The following TMEFF2 variants were observed in gnomAD, a reference collection of about 807,000 sequenced individuals.
TMEFF2 encodes tomoregulin-2.
In TMEFF2, 28 loss-of-function variants were observed where a neutral mutation model predicts 53.8. The observed-to-expected ratio is 0.52, with a 90% CI of 0.39 to 0.71. The LOEUF (loss-of-function observed/expected upper bound fraction) is 0.71. Ranked by LOEUF, TMEFF2 falls within the 30% of genes least tolerant of loss-of-function variation. The pLI is 0.00. For missense variants in TMEFF2, 353 were observed against 455.2 expected (o/e 0.78, Z 2.04); for synonymous variants, 162 against 166.3 (o/e 0.97, Z 0.20).
At chr2:192,038,554 G>T (rs769389489) in intron 5 of TMEFF2, among the ~76,000 whole-genome samples, 1 of 151,736 alleles carries the variant, frequency 6.6e-6, no homozygotes, top group South Asian at 2.1e-4. Context: ...GTCTCACTCT[G>T]TTCTTAGCTC....
At chr2:192,169,179 G>A (rs1690846337) in intron 4 of TMEFF2, among the ~76,000 whole-genome samples, 1 of 152,118 alleles carries the variant, frequency 6.6e-6, no homozygotes, top group Non-Finnish European at 1.5e-5. Context: ...GAATCAGACT[G>A]ATGATACAAA....
At chr2:191,979,665 G>C (rs950454809) in intron 7 of TMEFF2, among the ~76,000 whole-genome samples, 1 of 151,760 alleles carries the variant, frequency 6.6e-6, no homozygotes, top group African/African-American at 2.4e-5. Flanking sequence ...CAGTAAACAG[G>C]CTGTGCTATT....
chr2:192,044,124 A>G (rs1372183176), intron 5 of TMEFF2: 1 of 152,204 alleles, frequency 6.6e-6, no homozygotes, highest in African/African-American at 2.4e-5. Flanking sequence ...AAGGTCAGCA[A>G]TATAGCTTCA....
rs117382717 is a variant in TMEFF2 at position 191,976,100 on chromosome 2, C to T, written c.746-19722G>A. 8.7e-4 allele frequency among the ~76,000 whole-genome samples: 133 copies of T among 152,178 alleles called. No individual in the cohort carries two copies. The East Asian group carries it at 0.025, about 28-fold the overall frequency. ...TTTGGTAATTGACAGTGAATTTTTG[C>T]AATACTGAAAATAATCTCACTTCTT... On this transcript the variant is annotated intron_variant, in intron 7 of 9. Coordinates refer to ENST00000272771, the MANE Select transcript of TMEFF2 (RefSeq NM_016192.4).
At chr2:192,031,474 G>A (rs1187555095) in intron 5 of TMEFF2, 1 of 152,188 alleles carries the variant, frequency 6.6e-6, no homozygotes, top group African/African-American at 2.4e-5. Context: ...GGAAGCCTCA[G>A]AACTAGATAA....
chr2:192,183,241 G>A (rs1038671128), intron 3 of TMEFF2, among the ~76,000 whole-genome samples: 1 of 151,948 alleles, frequency 6.6e-6, no homozygotes, highest in Non-Finnish European at 1.5e-5. Context: ...AGAAACTTGG[G>A]TAGTCACCAG....
At chr2:192,064,525 C>T (rs1046283978) in intron 4 of TMEFF2, among the ~76,000 whole-genome samples, 3 of 151,836 alleles carry the variant, frequency 2.0e-5, no homozygotes, top group Non-Finnish European at 4.4e-5. Context: ...CTTTTCAAGA[C>T]TTATCTATAG....
intron 4 of TMEFF2, among the ~76,000 whole-genome samples, chr2:192,117,167 G>A (rs1487573003): frequency 1.3e-5 from 2 of 152,074 alleles, no homozygotes; most frequent in African/African-American, 4.8e-5. Flanking sequence ...TAAAAAGACT[G>A]TTTCAGAAAT....
chr2:192,121,873 T>C (rs1284364244), intron 4 of TMEFF2, among the ~76,000 whole-genome samples: 1 of 152,036 alleles, frequency 6.6e-6, no homozygotes, highest in Non-Finnish European at 1.5e-5. Flanking sequence ...AAAAGAAGAT[T>C]CAGCAAAAAA....
At chr2:191,987,240 G>C (rs1252988789) in intron 7 of TMEFF2, among the ~76,000 whole-genome samples, 1 of 152,130 alleles carries the variant, frequency 6.6e-6, no homozygotes, top group African/African-American at 2.4e-5. Context: ...CTGAATGGGA[G>C]GTGGGAGGGA....
chr2:192,030,922 C>T (rs530116299), intron 5 of TMEFF2, among the ~76,000 whole-genome samples: 11 of 151,804 alleles, frequency 7.2e-5, no homozygotes, highest in South Asian at 2.1e-4. Flanking sequence ...GCAGGTTGGG[C>T]GGGGCGGGGA....
intron 4 of TMEFF2, among the ~76,000 whole-genome samples, chr2:192,075,738 T>C (rs1468701985): frequency 6.6e-6 from 1 of 152,036 alleles, no homozygotes; most frequent in Non-Finnish European, 1.5e-5. Context: ...AATTGCAAAA[T>C]ATTTATTTTA....
In TMEFF2 at chr2:192,075,332, T is replaced by TATATATATAC. The variant is rs796267672; in HGVS notation, c.440-17558_440-17557insGTATATATAT. 1.5e-3 allele frequency among the ~76,000 whole-genome samples: 130 copies of TATATATATAC among 88,114 alleles called. 6 individuals are homozygous for TATATATATAC. The highest frequency in any genetic ancestry group is 2.2e-3 in the East Asian group (3 of 1,352). The allele number at this position is 88,114 out of a possible 152,430, so 57.8% of individuals were successfully genotyped here. A position where few individuals can be genotyped will look rare whatever the true frequency, so the allele number is the denominator to read the frequency against. Reference sequence around the variant, plus strand: ...ATATATATATATATATATATATATATACATACATACTATGTATATCCTTGC... The same window carrying TATATATATAC: ...ATATATATATATATATATATATATATATATATATACACATACATACTATGTATATCCTTGC... On this transcript the variant is annotated intron_variant, in intron 4 of 9. Transcript: ENST00000272771.
At chr2:192,176,582 T>A (rs1228779339) in intron 4 of TMEFF2, among the ~76,000 whole-genome samples, 1 of 151,326 alleles carries the variant, frequency 6.6e-6, no homozygotes, top group African/African-American at 2.4e-5. Flanking sequence ...TACAGTTAAC[T>A]GTTTGAATTG....
intron 7 of TMEFF2, among the ~76,000 whole-genome samples, chr2:191,969,127 G>A (rs898197549): frequency 8.9e-6 from 1 of 112,432 alleles, no homozygotes; most frequent in Non-Finnish European, 1.8e-5. Flanking sequence ...GTTTGTGTAT[G>A]TGTGTGTGTA....
chr2:192,074,940 T>C (rs1447811295), intron 4 of TMEFF2, among the ~76,000 whole-genome samples: 3 of 151,878 alleles, frequency 2.0e-5, no homozygotes, highest in Admixed American at 6.6e-5. Context: ...GTGGTGTGTC[T>C]ATGTGTGTTA....
intron 4 of TMEFF2, among the ~76,000 whole-genome samples, chr2:192,145,253 C>T (rs993864001): frequency 6.6e-6 from 1 of 151,800 alleles, no homozygotes; most frequent in Non-Finnish European, 1.5e-5. Context: ...AAAATACATA[C>T]TTGTGTTTAT....
At chr2:192,133,285 T>C (rs112139180) in intron 4 of TMEFF2, among the ~76,000 whole-genome samples, 51,770 of 151,906 alleles carry the variant, frequency 0.34, 9,969 homozygotes, top group South Asian at 0.43. Context: ...GTCCTCCTCT[T>C]GTATCCCCCC....
chr2:192,139,546 G>T (rs1329258558), intron 4 of TMEFF2, among the ~76,000 whole-genome samples: 1 of 152,164 alleles, frequency 6.6e-6, no homozygotes, highest in African/African-American at 2.4e-5. Flanking sequence ...GGTGAACAGA[G>T]TAAATCCCAC....
Sources: allele counts gnomAD v4.1 joint callset (sites outside exome capture counted in the v4.1 genomes callset), GRCh38; gene constraint gnomAD v4.1.1; transcripts MANE v1.5; gene names NCBI Gene and HGNC (gene_info 2026-07-23, HGNC 2026-07-21).